The following PTPRM variants were observed in gnomAD, a reference collection of about 807,000 sequenced individuals.
The protein encoded by PTPRM is protein tyrosine phosphatase receptor type M.
Under a neutral mutation model 186.7 loss-of-function variants are expected in PTPRM, and 47 were observed. The observed-to-expected ratio is 0.25, with a 90% confidence interval of 0.20 to 0.32. The LOEUF is 0.32. Among genes scored for constraint, PTPRM ranks in the 10% least tolerant of loss-of-function variants. The pLI is 1.00. For synonymous variants in PTPRM, 668 were observed against 674.9 expected, an observed-to-expected ratio of 0.99 and a Z score of 0.16; for missense variants, 1,494 against 1,865.0, an observed-to-expected ratio of 0.80 and a Z score of 3.66.
intron 1 of PTPRM, among the ~76,000 whole-genome samples, chr18:7,689,063 C>T (rs1400500417): frequency 6.6e-6 from 1 of 151,954 alleles, no homozygotes; most frequent in African/African-American, 2.4e-5. Context: ...TATGGCATGT[C>T]CTGTTCTTAA....
intron 2 of PTPRM, among the ~76,000 whole-genome samples, chr18:7,806,714 C>G (rs1408875334): frequency 2.0e-5 from 3 of 152,100 alleles, no homozygotes; most frequent in African/African-American, 7.2e-5. Flanking sequence ...TTATTTTCCC[C>G]CTTTCTCTTT....
At chr18:7,922,477 C>G (rs2146750279) in intron 4 of PTPRM, among the ~76,000 whole-genome samples, 1 of 152,260 alleles carries the variant, frequency 6.6e-6, no homozygotes, top group South Asian at 2.1e-4. Context: ...CCCACTTTGA[C>G]CTCATTTTTT....
In PTPRM at chr18:7,685,717, GT is replaced by G. The variant is rs368421933; in HGVS notation, c.74-88422del. Among the ~76,000 whole-genome samples, 324 of 148,750 alleles carry G rather than the reference GT, an allele frequency of 2.2e-3. 1 individual carries two copies. The highest frequency in any genetic ancestry group is 0.01 in the Middle Eastern group (3 of 286). On this transcript the variant is annotated intron_variant, in intron 1 of 32. Transcript: ENST00000580170. ...AGAAGTAGTTTTCCTAAGGCTATTG[GT>G]TTTTTTTTTGTTTGTTTGTTTTTAA...
intron 14 of PTPRM, among the ~76,000 whole-genome samples, chr18:8,243,263 T>C (rs1277521669): frequency 1.3e-5 from 2 of 152,158 alleles, no homozygotes; most frequent in Non-Finnish European, 2.9e-5. Context: ...ATTAGAAATC[T>C]CTCTGCTTTT....
At chr18:8,228,863 A>G (rs2147136119) in intron 14 of PTPRM, among the ~76,000 whole-genome samples, 1 of 152,168 alleles carries the variant, frequency 6.6e-6, no homozygotes. Context: ...AAAGAAAAGA[A>G]AAAGAAAAAG....
At chr18:8,374,676 C>T (rs151046347) in intron 24 of PTPRM, among the ~76,000 whole-genome samples, 172 of 152,298 alleles carry the variant, frequency 1.1e-3, no homozygotes, top group Middle Eastern at 6.8e-3. Flanking sequence ...TGTGAATCCC[C>T]GACTGCTTAA....
rs142185896 is a variant in PTPRM, at chr18:8,091,696, G to A, written c.1856+2845G>A. ...GTAGAATAGATGGAAGACCAATATA[G>A]CGAGAAAGACTAGGTTGGGGAAAAA... On this transcript the variant is annotated intron_variant, in intron 11 of 32. Coordinates refer to ENST00000580170, the MANE Select transcript of PTPRM (RefSeq NM_001105244.2). Among the ~76,000 whole-genome samples the A allele has an allele frequency of 7.6e-3, 1,145 of 151,526 alleles. 7 individuals are homozygous for A. The highest frequency in any genetic ancestry group is 0.03 in the South Asian group (143 of 4,812).
At chr18:8,249,007 T>A (rs1390645312) in intron 17 of PTPRM, among the ~76,000 whole-genome samples, 1 of 152,212 alleles carries the variant, frequency 6.6e-6, no homozygotes, top group Non-Finnish European at 1.5e-5. Flanking sequence ...GCTGTTGCAT[T>A]TGAGACGCAT....
chr18:7,869,624 C>A (rs552433523), intron 2 of PTPRM, among the ~76,000 whole-genome samples: 5 of 128,372 alleles, frequency 3.9e-5, no homozygotes, highest in African/African-American at 1.5e-4. Flanking sequence ...AGCTGCAGAC[C>A]GGAGTTGTTC....
At chr18:7,835,845 TTTTTGTTTTG>T (rs201053851) in intron 2 of PTPRM, among the ~76,000 whole-genome samples, 462 of 151,776 alleles carry the variant, frequency 3.0e-3, no homozygotes, top group African/African-American at 9.2e-3. Context: ...CTTAAAGTTT[TTTTTGTTTTG>T]TTTTGTTTTG....
At chr18:7,771,216 G>A (rs933932991) in intron 1 of PTPRM, among the ~76,000 whole-genome samples, 17 of 152,228 alleles carry the variant, frequency 1.1e-4, no homozygotes, top group African/African-American at 2.4e-4. Context: ...TTTTAAGATC[G>A]CACTGTAGGA....
At chr18:8,375,541 T>C (rs185433957) in intron 24 of PTPRM, among the ~76,000 whole-genome samples, 1 of 152,370 alleles carries the variant, frequency 6.6e-6, no homozygotes, top group African/African-American at 2.4e-5. Context: ...GCAAGCATCA[T>C]CTGAGCATGC....
At chr18:7,967,031 A>G (rs1214782264) in intron 7 of PTPRM, among the ~76,000 whole-genome samples, 1 of 95,576 alleles carries the variant, frequency 1.0e-5, no homozygotes, top group East Asian at 2.7e-4. Context: ...AGACAGCAGT[A>G]ACCTCTGCAG....
At chr18:8,345,417 G>T (rs989015190) in intron 23 of PTPRM, among the ~76,000 whole-genome samples, 4 of 151,888 alleles carry the variant, frequency 2.6e-5, no homozygotes, top group Admixed American at 1.3e-4. Context: ...GATTTTTTTT[G>T]TACTGCAATA....
At chr18:8,391,803 C>T (rs1212149990) in intron 31 of PTPRM, among the ~76,000 whole-genome samples, 1 of 152,226 alleles carries the variant, frequency 6.6e-6, no homozygotes, top group Non-Finnish European at 1.5e-5. Context: ...ACACGATGAT[C>T]TCTCTTAAAA....
chr18:7,805,286 C>G (rs2044177197), intron 2 of PTPRM, among the ~76,000 whole-genome samples: 2 of 152,170 alleles, frequency 1.3e-5, no homozygotes, highest in African/African-American at 4.8e-5. Flanking sequence ...GATGTCTCTG[C>G]TGTGCTGACA....
chr18:8,301,737 G>A (rs1345765624), intron 20 of PTPRM, among the ~76,000 whole-genome samples: 1 of 152,256 alleles, frequency 6.6e-6, no homozygotes, highest in South Asian at 2.1e-4. Context: ...GCACCTTCTT[G>A]TGGGGAAGAC....
intron 1 of PTPRM, among the ~76,000 whole-genome samples, chr18:7,680,319 C>T (rs994899052): frequency 6.6e-6 from 1 of 152,140 alleles, no homozygotes; most frequent in Non-Finnish European, 1.5e-5. Flanking sequence ...TGAATGGCGT[C>T]TCTGTCCCTT....
chr18:7,779,286 C>G (rs1280412960), intron 2 of PTPRM, among the ~76,000 whole-genome samples: 2 of 152,138 alleles, frequency 1.3e-5, no homozygotes, highest in Non-Finnish European at 1.5e-5. Flanking sequence ...GGTAGTATAG[C>G]ATGGGACTAC....
Sources: allele counts gnomAD v4.1 joint callset (sites outside exome capture counted in the v4.1 genomes callset), GRCh38; gene constraint gnomAD v4.1.1; transcripts MANE v1.5; gene names NCBI Gene and HGNC (gene_info 2026-07-23, HGNC 2026-07-21).